The following SCAF8 variants were observed in gnomAD, a reference collection of about 807,000 sequenced individuals.
SCAF8 encodes the protein SR-related and CTD-associated factor 8.
In SCAF8, 23 loss-of-function variants were observed where a neutral mutation model predicts 140.5. That is an observed-to-expected ratio of 0.16 (90% CI 0.12 to 0.23). SCAF8 has a LOEUF of 0.23. SCAF8 is among the 10% of genes least tolerant of loss of function. The probability of loss-of-function intolerance (pLI) is 1.00; values close to 1 mark genes in which losing one functional copy is unlikely to be tolerated. For synonymous variants in SCAF8, 575 were observed against 528.9 expected, an observed-to-expected ratio of 1.09 and a Z score of -1.20; for missense variants, 1,397 against 1,555.7, an observed-to-expected ratio of 0.90 and a Z score of 1.72.
chr6:154,812,160 G>T (rs1778110712), intron 12 of SCAF8, among the ~76,000 whole-genome samples: 1 of 141,328 alleles, frequency 7.1e-6, no homozygotes. Flanking sequence ...ACTCCATTGT[G>T]CTTTGAAGAT....
intron 1 of SCAF8, among the ~76,000 whole-genome samples, chr6:154,746,176 G>T (rs73010912): frequency 6.6e-6 from 1 of 152,120 alleles, no homozygotes; most frequent in African/African-American, 2.4e-5. Flanking sequence ...TTAAGCCACC[G>T]CACCCAGCTA....
chr6:154,801,061 C>T (rs1282149109), intron 6 of SCAF8, among the ~76,000 whole-genome samples: 1 of 151,118 alleles, frequency 6.6e-6, no homozygotes, highest in Non-Finnish European at 1.5e-5. Flanking sequence ...AATAACAGTG[C>T]CATGGGAAAA....
intron 6 of SCAF8, among the ~76,000 whole-genome samples, chr6:154,797,043 G>T (rs1322960420): frequency 6.7e-6 from 1 of 150,058 alleles, no homozygotes; most frequent in Non-Finnish European, 1.5e-5. Flanking sequence ...ATTAATTTTC[G>T]ATAACATTTT....
rs571151048 is a variant in SCAF8, at chr6:154,778,882, T to C, written c.159+837T>C. On this transcript the variant is annotated intron_variant, in intron 3 of 19. Transcript: ENST00000367178. Reference sequence around the variant, plus strand: ...AAGATAAAGGGTTGAATAACAAGTATGCTGTCTGTTTCACTTAAAGTTTAA... The same window carrying C: ...AAGATAAAGGGTTGAATAACAAGTACGCTGTCTGTTTCACTTAAAGTTTAA... Among the ~76,000 whole-genome samples the C allele has an allele frequency of 5.4e-4, 82 of 152,132 alleles. 1 individual carries two copies. Among genetic ancestry groups the C allele is most frequent in the African/African-American group, 1.9e-3 (78 of 41,488 alleles).
intron 6 of SCAF8, among the ~76,000 whole-genome samples, chr6:154,800,486 G>A (rs1777741300): frequency 1.3e-5 from 2 of 151,348 alleles, no homozygotes; most frequent in Admixed American, 1.3e-4. Flanking sequence ...TATAAATGGT[G>A]GGCTCAGAAA....
chr6:154,734,745 C>T (rs1173777661), intron 1 of SCAF8, among the ~76,000 whole-genome samples: 2 of 152,170 alleles, frequency 1.3e-5, no homozygotes, highest in South Asian at 2.1e-4. Context: ...TAAACTCCGA[C>T]TTCAATAGGC....
At chr6:154,781,074 G>A (rs1264493240) in intron 3 of SCAF8, among the ~76,000 whole-genome samples, 3 of 152,074 alleles carry the variant, frequency 2.0e-5, no homozygotes, top group Non-Finnish European at 4.4e-5. Context: ...TCTGACTGGT[G>A]TGAGAGTTTA....
chr6:154,749,188 G>A lies in SCAF8; in HGVS notation c.30+15258G>A, dbSNP rs192965363. On this transcript the variant is annotated intron_variant, in intron 1 of 19. Coordinates refer to ENST00000367178, the MANE Select transcript of SCAF8 (RefSeq NM_014892.5). ...AACTCCCGACCTCGGTGATCTGCCC[G>A]CCTTAGCCTCCCAAAGTGGTGGGAT... is the stretch of plus-strand genomic sequence containing the variant. Among the ~76,000 whole-genome samples, 21 of 152,248 alleles carry A rather than the reference G, an allele frequency of 1.4e-4. No homozygotes were observed. The East Asian group carries it at 3.7e-3, about 27-fold the overall frequency.
intron 1 of SCAF8, among the ~76,000 whole-genome samples, chr6:154,751,754 G>A (rs1778843255): frequency 6.6e-6 from 1 of 152,084 alleles, no homozygotes; most frequent in Non-Finnish European, 1.5e-5. Context: ...TTTGGTGGAG[G>A]GAGGAGAGGA....
intron 2 of SCAF8, among the ~76,000 whole-genome samples, chr6:154,774,958 C>T (rs1346163382): frequency 6.6e-6 from 1 of 152,082 alleles, no homozygotes; most frequent in Admixed American, 6.6e-5. Flanking sequence ...TGAATGAGTA[C>T]TTATTTCTAA....
intron 4 of SCAF8, among the ~76,000 whole-genome samples, chr6:154,788,255 A>T (rs1443254404): frequency 2.0e-5 from 3 of 152,298 alleles, no homozygotes; most frequent in Non-Finnish European, 4.4e-5. Context: ...AGTATGCAGT[A>T]CAGTGACATG....
chr6:154,816,266 T>G (rs1407630423), intron 13 of SCAF8, among the ~76,000 whole-genome samples: 1 of 152,182 alleles, frequency 6.6e-6, no homozygotes, highest in Non-Finnish European at 1.5e-5. Context: ...TCTCTCACCC[T>G]CTCGTGCTCT....
intron 1 of SCAF8, among the ~76,000 whole-genome samples, chr6:154,747,936 G>GTA (rs1562424534): frequency 6.8e-6 from 1 of 147,172 alleles, no homozygotes. Context: ...GTGTGTGTGT[G>GTA]TACTAGAAAT....
At chr6:154,805,176 A>G (rs558664144) in intron 8 of SCAF8, among the ~76,000 whole-genome samples, 193 bp from the exon 9 acceptor site, 1 of 138,986 alleles carries the variant, frequency 7.2e-6, no homozygotes, top group East Asian at 2.3e-4. Context: ...TTGATGTACA[A>G]TTGAAGAATG....
At chr6:154,748,987 G>A (rs1778774798) in intron 1 of SCAF8, among the ~76,000 whole-genome samples, 1 of 152,172 alleles carries the variant, frequency 6.6e-6, no homozygotes, top group South Asian at 2.1e-4. Context: ...TGTCGCCCAG[G>A]CTGGAGTGCA....
intron 6 of SCAF8, among the ~76,000 whole-genome samples, chr6:154,798,377 A>G (rs917298989): frequency 1.3e-5 from 2 of 151,314 alleles, no homozygotes; most frequent in Non-Finnish European, 3.0e-5. Context: ...GACAGAGACA[A>G]TTGAGAGTAA....
intron 1 of SCAF8, among the ~76,000 whole-genome samples, chr6:154,734,637 G>A (rs536268197): frequency 6.6e-6 from 1 of 152,148 alleles, no homozygotes; most frequent in African/African-American, 2.4e-5. Context: ...GTTCATTCAC[G>A]TGTCAAACAA....
chr6:154,735,401 A>T lies in SCAF8; in HGVS notation c.30+1471A>T, dbSNP rs559229629. ...GCTAAGAGGCTAAACGGTAGATAAT[A>T]TTTGGGCTATTTTCAATAGCAGTGA... On this transcript the variant is annotated intron_variant, in intron 1 of 19. Transcript: ENST00000367178. Among the ~76,000 whole-genome samples the T allele has an allele frequency of 2.6e-5, 4 of 152,188 alleles. No individual in the cohort carries two copies. The East Asian group carries it at 7.7e-4, about 29-fold the overall frequency.
intron 1 of SCAF8, among the ~76,000 whole-genome samples, chr6:154,742,676 A>T (rs1036365114): frequency 6.6e-6 from 1 of 152,100 alleles, no homozygotes; most frequent in African/African-American, 2.4e-5. Flanking sequence ...AAACTTAAGG[A>T]AGGCTATGTA....
Sources: gnomAD v4.1 joint callset for allele counts (sites outside exome capture counted in the v4.1 genomes callset) on GRCh38, gnomAD v4.1.1 for gene constraint, MANE v1.5 for transcripts, NCBI Gene and HGNC (gene_info 2026-07-23, HGNC 2026-07-21) for gene names.